The following AUTS2 variants were observed in gnomAD, a reference collection of about 807,000 sequenced individuals.
AUTS2 encodes autism susceptibility gene 2 protein.
Under a neutral mutation model 112.4 loss-of-function variants are expected in AUTS2, and 17 were observed. The observed-to-expected ratio is 0.15, with a 90% CI of 0.10 to 0.23. AUTS2 has a LOEUF of 0.23. Among genes scored for constraint, AUTS2 ranks in the 10% least tolerant of loss-of-function variants. The probability of loss-of-function intolerance (pLI) is 1.00; values close to 1 mark genes in which losing one functional copy is unlikely to be tolerated. For missense variants in AUTS2, 1,510 were observed against 1,701.6 expected, an observed-to-expected ratio of 0.89 and a Z score of 1.98; for synonymous variants, 751 against 702.7, an observed-to-expected ratio of 1.07 and a Z score of -1.09.
intron 1 of AUTS2, among the ~76,000 whole-genome samples, chr7:69,656,121 G>T (rs1795521649): frequency 1.3e-5 from 2 of 152,154 alleles, no homozygotes; most frequent in African/African-American, 4.8e-5. Context: ...CAGCTATCTT[G>T]GCAGATGGGA....
chr7:70,372,655 TTTC>T (rs1792890586), intron 4 of AUTS2, among the ~76,000 whole-genome samples: 1 of 149,502 alleles, frequency 6.7e-6, no homozygotes, highest in Non-Finnish European at 1.5e-5. Context: ...ACTTCCTTTC[TTTC>T]TTTTTTTTTT....
At position 70,694,662 on chromosome 7, in the gene AUTS2, CCCCCGCCGCGCCAGCGCGG is replaced by C. The variant is rs1266379085; in HGVS notation, c.691-3900_691-3882del. 1 of 147,708 alleles carries C rather than the reference CCCCCGCCGCGCCAGCGCGG, an allele frequency of 6.8e-6. No homozygotes were observed. Among genetic ancestry groups the C allele is most frequent in the Non-Finnish European group, 1.5e-5 (1 of 66,428 alleles). 9.1% of individuals were successfully genotyped at this position (147,708 alleles called of 1,614,324 possible). On this transcript the variant is annotated intron_variant, in intron 5 of 18. Coordinates refer to ENST00000342771, the MANE Select transcript of AUTS2 (RefSeq NM_015570.4). This position sits in a 1 kb window ranked among gnomAD's most constrained non-coding sequence, Gnocchi z 4.1. Reference sequence around the variant, plus strand: ...GCCGGCCCGGGACGCGCCTTGTTAGCCCCCGCCGCGCCAGCGCGGCCCCGCGCGCCGCAGGAGCGGCGGG... The same window carrying C: ...GCCGGCCCGGGACGCGCCTTGTTAGCCCCCGCGCGCCGCAGGAGCGGCGGG...
chr7:70,496,228 C>T (rs1475191370), intron 5 of AUTS2, among the ~76,000 whole-genome samples: 1 of 125,054 alleles, frequency 8.0e-6, no homozygotes, highest in Non-Finnish European at 1.6e-5. Context: ...ACACACACCA[C>T]GTACACAGTC....
At chr7:69,919,760 T>C (rs1464560564) in intron 2 of AUTS2, among the ~76,000 whole-genome samples, 1 of 152,126 alleles carries the variant, frequency 6.6e-6, no homozygotes, top group East Asian at 1.9e-4. Flanking sequence ...TCCCTCTTCC[T>C]TAAAATTGAG....
chr7:70,029,658 A>G (rs899775851), intron 2 of AUTS2, among the ~76,000 whole-genome samples: 1 of 152,212 alleles, frequency 6.6e-6, no homozygotes, highest in African/African-American at 2.4e-5. Context: ...ATATAGATGT[A>G]CTGCTACTCA....
chr7:70,480,913 G>T (rs1200012040), intron 5 of AUTS2, among the ~76,000 whole-genome samples: 2 of 152,246 alleles, frequency 1.3e-5, no homozygotes, highest in African/African-American at 2.4e-5. Context: ...GGGGCAGGGA[G>T]TAGTCTTTGC....
At chr7:70,783,528 T>C (rs1468299789) in intron 15 of AUTS2, 1 of 152,250 alleles carries the variant, frequency 6.6e-6, no homozygotes, top group Non-Finnish European at 1.5e-5. Flanking sequence ...TATATTTGTT[T>C]ATAGGAACTT....
intron 4 of AUTS2, among the ~76,000 whole-genome samples, chr7:70,261,458 G>A (rs953361314): frequency 6.6e-6 from 1 of 151,986 alleles, no homozygotes; most frequent in African/African-American, 2.4e-5. Flanking sequence ...ACTTCAAGTG[G>A]GTACATTTTT....
At chr7:70,137,277 T>G (rs1413664524) in intron 4 of AUTS2, among the ~76,000 whole-genome samples, 1 of 152,208 alleles carries the variant, frequency 6.6e-6, no homozygotes, top group African/African-American at 2.4e-5. Context: ...TCTACATTTT[T>G]GGGAGCTTTT....
At chr7:70,297,076 T>C (rs1788976025) in intron 4 of AUTS2, among the ~76,000 whole-genome samples, 1 of 151,314 alleles carries the variant, frequency 6.6e-6, no homozygotes, top group African/African-American at 2.4e-5. Context: ...TTTCGAACTT[T>C]TGGACTCAAG....
intron 5 of AUTS2, among the ~76,000 whole-genome samples, chr7:70,611,637 C>T (rs533290258): frequency 6.6e-6 from 1 of 152,336 alleles, no homozygotes; most frequent in African/African-American, 2.4e-5. Flanking sequence ...TCCTAAATTT[C>T]TAACATTTGG....
At chr7:70,595,157 C>G (rs577979499) in intron 5 of AUTS2, among the ~76,000 whole-genome samples, 1 of 152,088 alleles carries the variant, frequency 6.6e-6, no homozygotes, top group East Asian at 1.9e-4. Context: ...CAAGCTGGCA[C>G]TGCAGCAACC....
intron 4 of AUTS2, among the ~76,000 whole-genome samples, chr7:70,418,445 G>C (rs68173070): frequency 0.096 from 14,565 of 152,208 alleles, 793 homozygotes; most frequent in Middle Eastern, 0.19. Flanking sequence ...TCACAGTAAG[G>C]TGCAGCCACT....
chr7:70,173,175 G>A (rs775212138), intron 4 of AUTS2, among the ~76,000 whole-genome samples: 1 of 152,044 alleles, frequency 6.6e-6, no homozygotes, highest in South Asian at 2.1e-4. Context: ...TCAGGAGATC[G>A]AGACCATCCT....
At chr7:70,052,518 G>C (rs1295257251) in intron 2 of AUTS2, among the ~76,000 whole-genome samples, 2 of 152,188 alleles carry the variant, frequency 1.3e-5, no homozygotes, top group Non-Finnish European at 2.9e-5. Context: ...GTTGTTCACT[G>C]CATGAAGGTG....
At chr7:69,946,634 A>G (rs1210437935) in intron 2 of AUTS2, among the ~76,000 whole-genome samples, 1 of 151,788 alleles carries the variant, frequency 6.6e-6, no homozygotes. Flanking sequence ...ACCCTCTGTT[A>G]TATGTGTGTA....
At chr7:69,631,700 A>G (rs1008090956) in intron 1 of AUTS2, among the ~76,000 whole-genome samples, 3 of 152,218 alleles carry the variant, frequency 2.0e-5, no homozygotes, top group African/African-American at 4.8e-5. Context: ...CTTAATTCCA[A>G]AATAACTTTG....
At chr7:70,449,832 C>G (rs1796458523) in intron 5 of AUTS2, among the ~76,000 whole-genome samples, 1 of 152,144 alleles carries the variant, frequency 6.6e-6, no homozygotes, top group African/African-American at 2.4e-5. Context: ...TGTGTACATG[C>G]ACTTAGAAAA....
chr7:70,765,225 G>T (rs759124793), intron 8 of AUTS2, among the ~76,000 whole-genome samples: 1 of 152,170 alleles, frequency 6.6e-6, no homozygotes, highest in African/African-American at 2.4e-5. Context: ...GACACTGCCC[G>T]AAGAGAGTGG....
Sources: allele counts gnomAD v4.1 joint callset (sites outside exome capture counted in the v4.1 genomes callset), GRCh38; gene constraint gnomAD v4.1.1; non-coding constraint Gnocchi (gnomAD v3.1); transcripts MANE v1.5; gene names NCBI Gene and HGNC (gene_info 2026-07-23, HGNC 2026-07-21).